The following APBA2 variants were observed in gnomAD, a reference collection of about 807,000 sequenced individuals.
APBA2 encodes the protein amyloid-beta A4 precursor protein-binding family A member 2.
In APBA2, 30 loss-of-function variants were observed where a neutral mutation model predicts 75.0. The ratio of observed to expected loss-of-function variants is 0.40; its 90% CI spans 0.30 to 0.54. APBA2 has a LOEUF of 0.54. APBA2 is among the 20% of genes least tolerant of loss of function. The probability of loss-of-function intolerance (pLI) is 0.49; values close to 1 mark genes in which losing one functional copy is unlikely to be tolerated. For missense variants in APBA2, 801 were observed against 1,016.1 expected, an observed-to-expected ratio of 0.79 and a Z score of 2.88; for synonymous variants, 444 against 409.6, an observed-to-expected ratio of 1.08 and a Z score of -1.01.
chr15:28,962,809 G>C (rs1385056770), intron 2 of APBA2, among the ~76,000 whole-genome samples: 5 of 152,126 alleles, frequency 3.3e-5, no homozygotes, highest in Non-Finnish European at 7.3e-5. Flanking sequence ...GGTTGTCCTA[G>C]AGGTTATGAT....
intron 14 of APBA2, among the ~76,000 whole-genome samples, chr15:29,116,267 G>T (rs1222377182): frequency 6.6e-6 from 1 of 152,106 alleles, no homozygotes; most frequent in Non-Finnish European, 1.5e-5. Flanking sequence ...AACTTGAGGT[G>T]CCCTGGGCCC....
At chr15:28,934,909 C>A (rs1476236053) in intron 2 of APBA2, among the ~76,000 whole-genome samples, 1 of 152,200 alleles carries the variant, frequency 6.6e-6, no homozygotes, top group African/African-American at 2.4e-5. Flanking sequence ...TGGGATAGAG[C>A]CCGGAGACCT....
intron 3 of APBA2, among the ~76,000 whole-genome samples, chr15:29,021,392 G>A (rs1430280766): frequency 1.3e-5 from 2 of 152,122 alleles, no homozygotes; most frequent in South Asian, 2.1e-4. Flanking sequence ...GCTGGGCATG[G>A]TGGCGCGCGC....
chr15:29,033,629 C>T (rs1371504139), intron 3 of APBA2, among the ~76,000 whole-genome samples: 1 of 152,054 alleles, frequency 6.6e-6, no homozygotes, highest in Non-Finnish European at 1.5e-5. Flanking sequence ...ATGACAGTTT[C>T]ATTATAGCAA....
rs114854537 is a variant in APBA2, at chr15:29,054,926, G to A, written c.951+91G>A. 2,839 of 1,272,688 alleles carry A rather than the reference G, an allele frequency of 2.2e-3. 52 individuals are homozygous for A. The African/African-American group carries it at 0.039, about 17-fold the overall frequency. 78.8% of individuals were successfully genotyped at this position (1,272,688 alleles called of 1,614,324 possible). A position where few individuals can be genotyped will look rare whatever the true frequency, so the allele number is the denominator to read the frequency against. ...GGCCTTGCAGATGCTGAAGCGAGGC[G>A]GTGGGGGGTGCTGGGTGCCTCACAG... On this transcript the variant is annotated intron_variant, in intron 4 of 14. Transcript: ENST00000683413. The surrounding 1 kb of genome is among the most constrained non-coding windows in gnomAD (Gnocchi z 6.1).
chr15:29,094,854 GT>G (rs1192088723), intron 8 of APBA2, among the ~76,000 whole-genome samples: 3 of 151,896 alleles, frequency 2.0e-5, no homozygotes, highest in African/African-American at 7.3e-5. Context: ...GAGCCTAGGA[GT>G]TTGAGATTGG....
chr15:29,105,624 G>A, intron 11 of APBA2, 66 bp downstream of exon 11: 1 of 1,581,118 alleles, frequency 6.3e-7, no homozygotes, highest in Non-Finnish European at 8.6e-7. Flanking sequence ...AGCTCCTGCA[G>A]AGCGAGCCTT....
intron 12 of APBA2, among the ~76,000 whole-genome samples, chr15:29,108,019 C>T (rs2044520637): frequency 6.6e-6 from 1 of 152,188 alleles, no homozygotes; most frequent in Non-Finnish European, 1.5e-5. Context: ...TTCCCCAGGG[C>T]AGAGGCACCC....
At chr15:28,955,719 T>G (rs1216274285) in intron 2 of APBA2, among the ~76,000 whole-genome samples, 1 of 151,308 alleles carries the variant, frequency 6.6e-6, no homozygotes, top group Non-Finnish European at 1.5e-5. Context: ...ATGAGTGATT[T>G]GCATTAGAAA....
chr15:29,091,974 C>T (rs539943829), intron 6 of APBA2, among the ~76,000 whole-genome samples: 2 of 152,266 alleles, frequency 1.3e-5, no homozygotes, highest in Non-Finnish European at 2.9e-5. Context: ...GGTGGGCAGT[C>T]GGGAGGGATA....
intron 2 of APBA2, among the ~76,000 whole-genome samples, chr15:28,979,554 C>G (rs1452112654): frequency 6.6e-6 from 1 of 152,156 alleles, no homozygotes; most frequent in African/African-American, 2.4e-5. Context: ...GAGGTGGAGT[C>G]CAGAGTTTCT....
intron 2 of APBA2, among the ~76,000 whole-genome samples, chr15:28,924,141 G>A (rs997274401): frequency 2.0e-5 from 3 of 152,162 alleles, no homozygotes; most frequent in African/African-American, 7.2e-5. Context: ...CTTCCCGAGT[G>A]CTGGCAGCCC....
In APBA2 at chr15:29,094,204, C is replaced by G. The variant is rs1186559304; in HGVS notation, c.1216-74C>G. ...ACCTGAGAGTGGGGGCATCAACCAC[C>G]AAAGTGACATAACCTCACGCACCTT... On this transcript the variant is annotated intron_variant, in intron 7 of 14. Coordinates refer to ENST00000683413, the MANE Select transcript of APBA2 (RefSeq NM_001353788.2). 4 of 1,550,120 alleles carry G rather than the reference C, an allele frequency of 2.6e-6. No individual in the cohort carries two copies. In the African/African-American group the frequency reaches 4.1e-5, roughly 16 times the overall value.
intron 3 of APBA2, among the ~76,000 whole-genome samples, chr15:29,025,604 A>G (rs2040178777): frequency 1.3e-5 from 2 of 152,034 alleles, no homozygotes; most frequent in Non-Finnish European, 2.9e-5. Flanking sequence ...GCCTGCATAC[A>G]GGGGAGACGG....
intron 2 of APBA2, among the ~76,000 whole-genome samples, chr15:28,955,285 G>A (rs910290457): frequency 3.3e-5 from 5 of 151,980 alleles, no homozygotes; most frequent in African/African-American, 9.7e-5. Flanking sequence ...CTCACTTGGC[G>A]ATCTGCCTGT....
At chr15:29,048,814 C>T (rs558729383) in intron 3 of APBA2, among the ~76,000 whole-genome samples, 3 of 149,744 alleles carry the variant, frequency 2.0e-5, no homozygotes, top group South Asian at 4.2e-4. Flanking sequence ...TGGTGCGCAC[C>T]TACCTGTAGT....
intron 6 of APBA2, among the ~76,000 whole-genome samples, chr15:29,081,068 G>A (rs187512336): frequency 1.2e-3 from 181 of 152,262 alleles, no homozygotes; most frequent in African/African-American, 4.1e-3. Flanking sequence ...CCCAGACCTG[G>A]AGCTGAGCTC....
Position 29,117,246 on chromosome 15 carries a change from C to A in APBA2, c.*113C>A. On this transcript the variant is annotated 3_prime_UTR_variant, in exon 15 of 15. Transcript: ENST00000683413. Reference sequence around the variant, plus strand: ...CGACGCCACAGCCCAGCCACGGACGCTGGCTCCCCAAAGGGTGTGCCCTCA... The same window carrying A: ...CGACGCCACAGCCCAGCCACGGACGATGGCTCCCCAAAGGGTGTGCCCTCA... 1 of 1,002,626 alleles carries A rather than the reference C, an allele frequency of 1.0e-6. No individual in the cohort carries two copies. 62.1% of individuals were successfully genotyped at this position (1,002,626 alleles called of 1,614,324 possible).
chr15:28,904,273 C>T (rs1441181356), intron 1 of APBA2, among the ~76,000 whole-genome samples: 1 of 152,162 alleles, frequency 6.6e-6, no homozygotes, highest in Non-Finnish European at 1.5e-5. Flanking sequence ...ATTCCTTCTC[C>T]TGGACGGTAT....
Sources: gnomAD v4.1 joint callset for allele counts (sites outside exome capture counted in the v4.1 genomes callset) on GRCh38, gnomAD v4.1.1 for gene constraint, Gnocchi (gnomAD v3.1) non-coding constraint, MANE v1.5 for transcripts, NCBI Gene and HGNC (gene_info 2026-07-23, HGNC 2026-07-21) for gene names.